Variants in PSMA1 observed in about 807,000 individuals in gnomAD.
PSMA1 encodes proteasome 20S subunit alpha 1, also known as proteasome subunit alpha type-1.
Under a neutral mutation model 38.4 loss-of-function variants are expected in PSMA1, and 3 were observed. The ratio of observed to expected loss-of-function variants is 0.08; its 90% confidence interval spans 0.04 to 0.20. PSMA1 has a LOEUF of 0.20. Among genes scored for constraint, PSMA1 ranks in the 10% least tolerant of loss-of-function variants. The pLI, the probability that PSMA1 is intolerant of heterozygous loss-of-function variation, is 1.00. For synonymous variants in PSMA1, 101 were observed against 107.1 expected, an observed-to-expected ratio of 0.94 and a Z score of 0.35; for missense variants, 227 against 325.3, an observed-to-expected ratio of 0.70 and a Z score of 2.32.
intron 2 of PSMA1, among the ~76,000 whole-genome samples, chr11:14,536,798 G>C (rs1303675908): frequency 6.6e-6 from 1 of 151,988 alleles, no homozygotes; most frequent in Admixed American, 6.5e-5. Context: ...TCTATTTTTA[G>C]TAGAGATGGG....
chr11:14,638,044 G>A (rs935956868), intron 1 of PSMA1, among the ~76,000 whole-genome samples: 1 of 152,138 alleles, frequency 6.6e-6, no homozygotes, highest in South Asian at 2.1e-4. Context: ...TACCTTACAC[G>A]TGTAATTTAA....
In PSMA1 at chr11:14,573,474, A is replaced by C. The variant is rs529496517; in HGVS notation, c.21+37492T>G. Among the ~76,000 whole-genome samples the C allele has an allele frequency of 5.3e-5, 8 of 152,346 alleles. No homozygotes were observed. In the East Asian group the frequency reaches 1.2e-3, roughly 22 times the overall value. On this transcript the variant is annotated intron_variant, in intron 2 of 10. Transcript: ENST00000418988. ...ACAAAATTCAACAGGCCTTCATGCT[A>C]AAAACTCTCAATAAATTAGGTATTG...
intron 2 of PSMA1, among the ~76,000 whole-genome samples, chr11:14,569,065 G>C (rs1378741254): frequency 1.3e-5 from 2 of 152,126 alleles, no homozygotes; most frequent in African/African-American, 4.8e-5. Flanking sequence ...CCATTATCTG[G>C]GCGATTAACA....
At chr11:14,552,761 TTAAA>T (rs549853654) in intron 2 of PSMA1, among the ~76,000 whole-genome samples, 119 of 152,202 alleles carry the variant, frequency 7.8e-4, no homozygotes, top group African/African-American at 2.8e-3. Context: ...ACACAGTTTG[TTAAA>T]TAAAGGTAAA....
chr11:14,633,859 C>CTG (rs1853073405), intron 1 of PSMA1, among the ~76,000 whole-genome samples: 3 of 152,136 alleles, frequency 2.0e-5, no homozygotes, highest in Non-Finnish European at 4.4e-5. Flanking sequence ...TTTTTAAGTC[C>CTG]GTCGGAAAAG....
At chr11:14,638,036 C>T (rs1041559811) in intron 1 of PSMA1, among the ~76,000 whole-genome samples, 38 of 152,132 alleles carry the variant, frequency 2.5e-4, no homozygotes, top group Admixed American at 2.3e-3. Context: ...TTGTTAGTTA[C>T]CTTACACGTG....
At chr11:14,509,463 T>C (rs1851303002) in intron 8 of PSMA1, among the ~76,000 whole-genome samples, 1 of 151,860 alleles carries the variant, frequency 6.6e-6, no homozygotes, top group African/African-American at 2.4e-5. Flanking sequence ...TTTCTACCCA[T>C]AGCCCCACTA....
intron 7 of PSMA1, 26 bp downstream of exon 7, chr11:14,513,544 A>AG: frequency 7.0e-7 from 1 of 1,418,884 alleles, no homozygotes; most frequent in East Asian, 2.6e-5. Context: ...AAAAAAAAAA[A>AG]AAAAAAAAGC....
intron 2 of PSMA1, among the ~76,000 whole-genome samples, chr11:14,571,862 G>T (rs1852145912): frequency 6.6e-6 from 1 of 152,102 alleles, no homozygotes; most frequent in African/African-American, 2.4e-5. Context: ...AGGGTTGCAA[G>T]TCTAGTCTCT....
At chr11:14,626,256 C>A (rs1258278440) in intron 1 of PSMA1, among the ~76,000 whole-genome samples, 1 of 151,712 alleles carries the variant, frequency 6.6e-6, no homozygotes, top group African/African-American at 2.4e-5. Flanking sequence ...GAAAATCACT[C>A]AAGTGTGCCC....
chr11:14,511,083 T>G, intron 7 of PSMA1, 132 bp from the exon 8 acceptor site: 1 of 490,132 alleles, frequency 2.0e-6, no homozygotes, highest in Middle Eastern at 5.5e-4. Flanking sequence ...AACAGCCAAG[T>G]TTAATGCTAG....
At chr11:14,513,757 T>A (rs766553269) in intron 6 of PSMA1, 58 bp from the exon 7 acceptor site, 1 of 1,539,340 alleles carries the variant, frequency 6.5e-7, no homozygotes. Flanking sequence ...CTAAAAATTA[T>A]AAAAATTTCT....
At chr11:14,614,236 T>G (rs1252657755) in intron 1 of PSMA1, among the ~76,000 whole-genome samples, 1 of 152,086 alleles carries the variant, frequency 6.6e-6, no homozygotes, top group African/African-American at 2.4e-5. Context: ...GAGTTAGGAG[T>G]TTCTATTATT....
intron 2 of PSMA1, among the ~76,000 whole-genome samples, chr11:14,557,222 T>A (rs1247650707): frequency 6.6e-6 from 1 of 152,122 alleles, no homozygotes; most frequent in East Asian, 1.9e-4. Flanking sequence ...TCTGGGAGAT[T>A]TTTTTAACTT....
chr11:14,590,555 A>T (rs1224205766), intron 2 of PSMA1, among the ~76,000 whole-genome samples: 2 of 152,214 alleles, frequency 1.3e-5, no homozygotes, highest in East Asian at 3.8e-4. Flanking sequence ...CAGGGGCATC[A>T]CTGCTGAAAA....
intron 2 of PSMA1, among the ~76,000 whole-genome samples, chr11:14,556,519 T>G (rs1851942458): frequency 6.6e-6 from 1 of 152,130 alleles, no homozygotes; most frequent in Non-Finnish European, 1.5e-5. Context: ...GGAATGAACG[T>G]CAACACAATA....
At chr11:14,514,737 T>G (rs1484921098) in intron 4 of PSMA1, among the ~76,000 whole-genome samples, 4 of 152,212 alleles carry the variant, frequency 2.6e-5, no homozygotes, top group Non-Finnish European at 4.4e-5. Flanking sequence ...TCAGAGCACT[T>G]ATGGAACAGA....
intron 2 of PSMA1, among the ~76,000 whole-genome samples, chr11:14,542,174 A>G (rs1206381454): frequency 6.6e-6 from 1 of 152,242 alleles, no homozygotes; most frequent in South Asian, 2.1e-4. Flanking sequence ...CAGAATAAAA[A>G]TTATAAAATT....
chr11:14,507,472 T>C, intron 9 of PSMA1, 184 bp downstream of exon 9: 1 of 529,978 alleles, frequency 1.9e-6, no homozygotes, highest in Non-Finnish European at 3.3e-6. Context: ...GGCCCCCTTT[T>C]TGTGTTTATG....
Sources: allele counts gnomAD v4.1 joint callset (sites outside exome capture counted in the v4.1 genomes callset), GRCh38; gene constraint gnomAD v4.1.1; transcripts MANE v1.5; gene names NCBI Gene and HGNC (gene_info 2026-07-23, HGNC 2026-07-21).